The following SNX5 variants were observed in gnomAD, a reference collection of about 807,000 sequenced individuals.
SNX5 encodes sorting nexin 5, also known as sorting nexin-5.
SNX5 carries 31 observed loss-of-function variants against 53.9 expected under a neutral mutation model. The observed-to-expected ratio is 0.58, with a 90% CI of 0.43 to 0.78. The LOEUF is 0.78. Ranked by LOEUF, SNX5 falls within the 30% of genes least tolerant of loss-of-function variation. SNX5 has a pLI of 0.00. For missense variants in SNX5, 471 were observed against 478.8 expected, an observed-to-expected ratio of 0.98 and a Z score of 0.15; for synonymous variants, 168 against 171.1, an observed-to-expected ratio of 0.98 and a Z score of 0.14.
Position 17,956,999 on chromosome 20 carries a change from C to T in SNX5, c.90G>A (p.Ser30=), listed in dbSNP as rs769806012. The change falls in exon 2 of 13, where the codon TCG becomes TCA. Residue 30 remains serine, a synonymous_variant. Coordinates refer to ENST00000377759, the MANE Select transcript of SNX5 (RefSeq NM_014426.4). ...SVSVDLNVDP[S]LQIDIPDALS... is the part of the protein sequence containing the mutation. ...GCGCATCAGGTATGTCAATCTGAAG[C>T]GAGGGATCAACATTCAGGTCCACAG... is the stretch of plus-strand genomic sequence containing the variant. The T allele has an allele frequency of 7.5e-6, 12 of 1,609,540 alleles. No homozygotes were observed. The South Asian group carries it at 7.7e-5, about 10-fold the overall frequency.
chr20:17,961,209 C>T, intron 1 of SNX5: 1 of 985,424 alleles, frequency 1.0e-6, no homozygotes, highest in Non-Finnish European at 1.2e-6. Context: ...CTGTTGAGCT[C>T]CTGCCCACCA....
At chr20:17,955,243 C>T (rs2035333376) in intron 3 of SNX5, 122 bp downstream of exon 3, 3 of 666,584 alleles carry the variant, frequency 4.5e-6, no homozygotes, top group Middle Eastern at 8.3e-4. Flanking sequence ...AGCAAATACT[C>T]CAGTAGGTAG....
intron 1 of SNX5, chr20:17,962,104 C>G (rs898601836): frequency 1.8e-5 from 8 of 448,542 alleles, no homozygotes; most frequent in South Asian, 9.9e-5. Flanking sequence ...ATAACTAATA[C>G]GTACCTATCT....
At chr20:17,967,344 A>C (rs1181646410) in intron 1 of SNX5, among the ~76,000 whole-genome samples, 5 of 72,818 alleles carry the variant, frequency 6.9e-5, no homozygotes, top group Non-Finnish European at 1.2e-4. Flanking sequence ...AAGAACTTTC[A>C]AAAAAAAAAC....
intron 10 of SNX5, among the ~76,000 whole-genome samples, chr20:17,947,861 A>C (rs984377468): frequency 1.3e-5 from 2 of 151,796 alleles, no homozygotes; most frequent in Admixed American, 1.3e-4. Context: ...GAATCAAGTG[A>C]TTACTCAAGA....
intron 4 of SNX5, among the ~76,000 whole-genome samples, chr20:17,953,454 A>G (rs1000470950): frequency 1.3e-5 from 2 of 152,244 alleles, no homozygotes; most frequent in Admixed American, 6.5e-5. Context: ...CAAATTATCT[A>G]TGTGATGGTT....
At chr20:17,967,877 A>G (rs1031389375) in intron 1 of SNX5, 4 of 395,906 alleles carry the variant, frequency 1.0e-5, no homozygotes, top group African/African-American at 6.2e-5. Context: ...TTGCGTTTCT[A>G]AAGTTGTAAG....
In SNX5 at chr20:17,957,305, G is replaced by A. The variant is rs547474838; in HGVS notation, c.52-268C>T. On this transcript the variant is annotated intron_variant, in intron 1 of 12. Coordinates refer to ENST00000377759, the MANE Select transcript of SNX5 (RefSeq NM_014426.4). ...AAAAAATTAGCTAAGCGTGGTGGCG[G>A]GCACCTGTAGTCCCAGCTACTTGGG... 4.3e-4 allele frequency among the ~76,000 whole-genome samples: 65 copies of A among 151,862 alleles called. 2 individuals carry two copies. In the South Asian group the frequency reaches 0.013, roughly 30 times the overall value.
intron 1 of SNX5, chr20:17,967,802 G>A (rs2035576853): frequency 5.7e-6 from 2 of 352,142 alleles, no homozygotes; most frequent in African/African-American, 2.1e-5. Context: ...CTTAAAAATA[G>A]ACACCAAGTT....
intron 10 of SNX5, among the ~76,000 whole-genome samples, chr20:17,948,369 T>TG (rs2039514874): frequency 6.6e-6 from 1 of 152,178 alleles, no homozygotes; most frequent in Non-Finnish European, 1.5e-5. Flanking sequence ...AATTGCATGA[T>TG]GGGGGGAAAA....
chr20:17,968,216 G>A (rs1308636149), intron 1 of SNX5, 159 bp downstream of exon 1: 4 of 460,356 alleles, frequency 8.7e-6, no homozygotes, highest in Non-Finnish European at 1.4e-5. Context: ...AGCCTTCAGT[G>A]AAGACCAGGG....
chr20:17,953,310 A>G (rs2039595610), intron 4 of SNX5, among the ~76,000 whole-genome samples: 1 of 152,210 alleles, frequency 6.6e-6, no homozygotes, highest in African/African-American at 2.4e-5. Context: ...AGGAATGAGT[A>G]CTTTTCAGCT....
chr20:17,942,639 C>A, intron 12 of SNX5: 3 of 567,610 alleles, frequency 5.3e-6, no homozygotes, highest in Middle Eastern at 3.1e-4. Context: ...AGCCGACGTT[C>A]ACTCCAGCAC....
chr20:17,968,308 A>C, intron 1 of SNX5, 67 bp downstream of exon 1: 2 of 1,204,128 alleles, frequency 1.7e-6, no homozygotes, highest in Non-Finnish European at 1.1e-6. Context: ...GCGCAAGGGA[A>C]AGAATGCAGC....
At position 17,950,119 on chromosome 20, in the gene SNX5, CA is replaced by C. The variant is rs749043039; in HGVS notation, c.791+12del. 1.9e-6 allele frequency: 3 copies of C among 1,613,336 alleles called. No individual in the cohort carries two copies. Among genetic ancestry groups the C allele is most frequent in the Non-Finnish European group, 2.5e-6 (3 of 1,179,430 alleles). ...AATTGGGTTAGGGGAAATGCTTTTC[CA>C]AAAAAACTTACTTTTTGATGACTGT... is the stretch of plus-strand genomic sequence containing the variant. On this transcript the variant is annotated intron_variant, in intron 8 of 12. Transcript: ENST00000377759.
At chr20:17,962,233 CTG>C (rs2035465856) in intron 1 of SNX5, 1 of 148,134 alleles carries the variant, frequency 6.8e-6, no homozygotes, top group Non-Finnish European at 1.4e-5. Context: ...GAGTCTCACT[CTG>C]TTGCCCAGGC....
intron 1 of SNX5, among the ~76,000 whole-genome samples, chr20:17,965,565 G>C (rs1053977218): frequency 4.6e-5 from 7 of 151,626 alleles, no homozygotes; most frequent in Non-Finnish European, 1.0e-4. Context: ...AGCTACTCAG[G>C]AGGCTGAGGT....
In SNX5 at chr20:17,947,582, T is replaced by C. The variant is rs774514947; in HGVS notation, c.982A>G (p.Lys328Glu). 1 of 1,613,830 alleles carries C rather than the reference T, an allele frequency of 6.2e-7. No homozygotes were observed. The highest frequency in any genetic ancestry group is 1.7e-5 in the Admixed American group (1 of 60,012). The change falls in exon 11 of 13, where the codon AAG becomes GAG. Residue 328 changes from lysine (K) to glutamate (E), a missense_variant. Transcript: ENST00000377759. ...DYENSNKALD[K>E]ARLKSKDVKL... ...ACGTCTTTGCTCTTTAACCGGGCCT[T>C]ATCCAGAGCTTTGTTTGAGTTCTCA...
chr20:17,963,911 CT>C (rs10715106), intron 1 of SNX5, among the ~76,000 whole-genome samples: 104,968 of 151,914 alleles, frequency 0.69, 36,586 homozygotes, highest in African/African-American at 0.78. Context: ...TTCTTTCACT[CT>C]TGAGTTTGAG....
Sources: gnomAD v4.1 joint callset for allele counts (sites outside exome capture counted in the v4.1 genomes callset) on GRCh38, gnomAD v4.1.1 for gene constraint, MANE v1.5 for transcripts, NCBI Gene and HGNC (gene_info 2026-07-23, HGNC 2026-07-21) for gene names.